BMPR2: variants seen among roughly 807,000 people sequenced by gnomAD.
BMPR2 encodes bone morphogenetic protein receptor type 2.
BMPR2 carries 29 observed loss-of-function variants against 100.8 expected under a neutral mutation model. That is an observed-to-expected ratio of 0.29 (90% CI 0.21 to 0.39). The LOEUF is 0.39. BMPR2 is among the 10% of genes least tolerant of loss of function. The pLI is 1.00. For synonymous variants in BMPR2, 382 were observed against 442.3 expected (o/e 0.86, Z 1.71); for missense variants, 1,011 against 1,274.5 (o/e 0.79, Z 3.15).
chr2:202,504,191 G>A (rs1035798814), intron 3 of BMPR2, among the ~76,000 whole-genome samples: 9 of 152,246 alleles, frequency 5.9e-5, no homozygotes, highest in Admixed American at 1.3e-4. Context: ...CGGGCTGCCC[G>A]AGCTAGCAGT....
intron 1 of BMPR2, among the ~76,000 whole-genome samples, chr2:202,393,833 A>G (rs1302630233): frequency 1.3e-5 from 2 of 149,282 alleles, no homozygotes; most frequent in Non-Finnish European, 3.0e-5. Context: ...GTCACTAATT[A>G]TAGAGTTTGT....
intron 1 of BMPR2, among the ~76,000 whole-genome samples, chr2:202,428,112 C>A (rs761207689): frequency 6.6e-6 from 1 of 152,026 alleles, no homozygotes; most frequent in Non-Finnish European, 1.5e-5. Context: ...TTTAATATAC[C>A]CAACAAAGAG....
chr2:202,510,664 T>A (rs914536413), intron 3 of BMPR2, among the ~76,000 whole-genome samples: 2 of 152,010 alleles, frequency 1.3e-5, no homozygotes, highest in Non-Finnish European at 2.9e-5. Context: ...TGAGGTTTTT[T>A]TTGTTTTTTT....
At chr2:202,390,508 T>G (rs146766949) in intron 1 of BMPR2, among the ~76,000 whole-genome samples, 2 of 152,164 alleles carry the variant, frequency 1.3e-5, no homozygotes, top group East Asian at 3.9e-4. Context: ...ATTTTTGTAT[T>G]TTTAGTAGAG....
intron 1 of BMPR2, 145 bp downstream of exon 1, chr2:202,377,695 G>T (rs1272981483): frequency 5.4e-6 from 5 of 927,284 alleles, no homozygotes; most frequent in Admixed American, 2.2e-5. Flanking sequence ...GTGCCTGCGC[G>T]CCTGCCCCAT....
At chr2:202,434,572 A>G (rs1036882489) in intron 1 of BMPR2, among the ~76,000 whole-genome samples, 3 of 150,104 alleles carry the variant, frequency 2.0e-5, no homozygotes, top group South Asian at 2.1e-4. Flanking sequence ...TGGAAAATCA[A>G]TATAGTCCTG....
intron 5 of BMPR2, among the ~76,000 whole-genome samples, chr2:202,515,271 G>A (rs1687692615): frequency 6.6e-6 from 1 of 151,818 alleles, no homozygotes; most frequent in South Asian, 2.1e-4. Flanking sequence ...ATGAAAAGGG[G>A]GTTATTAAAG....
chr2:202,451,436 C>T (rs758849927), intron 1 of BMPR2, among the ~76,000 whole-genome samples: 5 of 152,188 alleles, frequency 3.3e-5, no homozygotes, highest in African/African-American at 4.8e-5. Flanking sequence ...CAGTGGCCCA[C>T]GCCTGTAATC....
chr2:202,470,579 G>A (rs2105964834), intron 3 of BMPR2, among the ~76,000 whole-genome samples: 2 of 150,948 alleles, frequency 1.3e-5, no homozygotes, highest in East Asian at 3.9e-4. Context: ...GGCTAACAAG[G>A]TGAAACCCCG....
chr2:202,546,635 G>T (rs958682545), intron 10 of BMPR2, among the ~76,000 whole-genome samples: 2 of 151,938 alleles, frequency 1.3e-5, no homozygotes, highest in Non-Finnish European at 2.9e-5. Flanking sequence ...ACAGAGTCTC[G>T]CTCTGTCACT....
At chr2:202,477,418 A>ATATTTG (rs1197613741) in intron 3 of BMPR2, among the ~76,000 whole-genome samples, 1 of 152,014 alleles carries the variant, frequency 6.6e-6, no homozygotes, top group Non-Finnish European at 1.5e-5. Context: ...GTTTCCTATG[A>ATATTTG]TATTTGTTGT....
At chr2:202,549,702 G>A (rs913953226) in intron 10 of BMPR2, among the ~76,000 whole-genome samples, 8 of 146,854 alleles carry the variant, frequency 5.4e-5, no homozygotes, top group South Asian at 2.1e-4. Context: ...AGCTGAGATC[G>A]CACCACTGCA....
intron 1 of BMPR2, among the ~76,000 whole-genome samples, chr2:202,455,113 T>C (rs531172541): frequency 6.6e-6 from 1 of 152,362 alleles, no homozygotes; most frequent in Non-Finnish European, 1.5e-5. Flanking sequence ...GGTTAGGGTT[T>C]CAGTAAGTGA....
intron 1 of BMPR2, among the ~76,000 whole-genome samples, chr2:202,438,624 T>G (rs1457185808): frequency 6.6e-6 from 1 of 150,690 alleles, no homozygotes; most frequent in Non-Finnish European, 1.5e-5. Flanking sequence ...CCATTTTCAG[T>G]TAATTTTTGC....
intron 1 of BMPR2, among the ~76,000 whole-genome samples, chr2:202,448,396 G>A (rs976381571): frequency 1.3e-5 from 2 of 149,134 alleles, no homozygotes; most frequent in African/African-American, 2.5e-5. Context: ...GCAGTGAGCC[G>A]AGATTGTGCC....
intron 1 of BMPR2, among the ~76,000 whole-genome samples, chr2:202,436,725 CTT>C (rs1317302969): frequency 1.3e-5 from 2 of 150,482 alleles, no homozygotes; most frequent in African/African-American, 2.5e-5. Flanking sequence ...ATAATTCTAA[CTT>C]ATATATGTGG....
At position 202,520,121 on chromosome 2, in the gene BMPR2, G is replaced by A. The variant is rs1687795256; in HGVS notation, c.887G>A (p.Ser296Asn). 1.7e-5 allele frequency: 28 copies of A among 1,611,232 alleles called. No homozygotes were observed. The highest frequency in any genetic ancestry group is 2.4e-5 in the Non-Finnish European group (28 of 1,179,632). Residue 296 changes from serine (S) to asparagine (N), a missense_variant, in exon 7 of 13, where the codon AGT becomes AAT. By Grantham distance (46) the Ser-to-Asn change is conservative. Around this residue, in one of 6 missense-constraint regions of BMPR2, gnomAD observed 355 missense variants for 455.3 expected, o/e 0.78. Transcript: ENST00000374580. The stretch of plus-strand genomic sequence containing the variant: ...TGCAAGTATTTAAGTCTCCACACAA[G>A]TGACTGGGTAAGCTCTTGCCGTCTT... ...SLCKYLSLHTSDWVSSCRLAH... is the reference protein window; with the variant it reads ...SLCKYLSLHTNDWVSSCRLAH...
Position 202,532,549 on chromosome 2 carries a change from G to A in BMPR2, c.1129-36G>A, listed in dbSNP as rs559781167. ...ATGTCTGTTCTTCAGAATATGCTAC[G>A]TTCTCTCTCTAAAAAATATCACTCT... On this transcript the variant is annotated intron_variant, in intron 8 of 12. Transcript: ENST00000374580. This position sits in a 1 kb window ranked among gnomAD's most constrained non-coding sequence, Gnocchi z 4.1. 37 of 1,607,288 alleles carry A rather than the reference G, an allele frequency of 2.3e-5. No individual in the cohort carries two copies. The Admixed American group carries it at 2.7e-4, about 12-fold the overall frequency.
intron 1 of BMPR2, among the ~76,000 whole-genome samples, chr2:202,423,601 T>A (rs1246842711): frequency 6.6e-6 from 1 of 151,416 alleles, no homozygotes; most frequent in Non-Finnish European, 1.5e-5. Flanking sequence ...ACAAAAATTT[T>A]AAAAATTTCT....
Sources: gnomAD v4.1 joint callset for allele counts (sites outside exome capture counted in the v4.1 genomes callset) on GRCh38, gnomAD v4.1.1 for gene constraint, gnomAD v4.1.1 regional missense constraint, Gnocchi (gnomAD v3.1) non-coding constraint, MANE v1.5 for transcripts, NCBI Gene and HGNC (gene_info 2026-07-23, HGNC 2026-07-21) for gene names.